The following SMC5 variants were observed in gnomAD, a reference collection of about 807,000 sequenced individuals.
SMC5 encodes the protein structural maintenance of chromosomes protein 5.
In SMC5, 88 loss-of-function variants were observed where a neutral mutation model predicts 148.3. The observed-to-expected ratio is 0.59, with a 90% CI of 0.50 to 0.71. SMC5 has a LOEUF of 0.71. Ranked by LOEUF, SMC5 falls within the 30% of genes least tolerant of loss-of-function variation. The pLI is 0.00. For missense variants in SMC5, 1,142 were observed against 1,298.9 expected (o/e 0.88, Z 1.86); for synonymous variants, 421 against 432.8 (o/e 0.97, Z 0.34).
At chr9:70,283,625 C>A (rs577794579) in intron 7 of SMC5, among the ~76,000 whole-genome samples, 1 of 152,078 alleles carries the variant, frequency 6.6e-6, no homozygotes, top group East Asian at 1.9e-4. Flanking sequence ...CCATTCACAA[C>A]CTTTGTGTAC....
In SMC5 at chr9:70,264,388, G is replaced by A. The variant is rs12005618; in HGVS notation, c.270G>A (p.Val90=). Reference sequence around the variant, plus strand: ...ATGGAACAGGGAAGTCGAGCATTGTGTGTGCCATTTGCCTTGGTTTAGCTG... The same window carrying A: ...ATGGAACAGGGAAGTCGAGCATTGTATGTGCCATTTGCCTTGGTTTAGCTG... ...GANGTGKSSI[V]CAICLGLAGK... The change falls in exon 2 of 25, where the codon GTG becomes GTA. Residue 90 remains valine (V), a synonymous_variant. Coordinates refer to ENST00000361138, the MANE Select transcript of SMC5 (RefSeq NM_015110.4). 5,552 of 1,614,042 alleles carry A rather than the reference G, an allele frequency of 3.4e-3. 167 individuals are homozygous for A. The African/African-American group carries it at 0.065, about 19-fold the overall frequency.
chr9:70,281,140 C>T (rs1477834091), intron 6 of SMC5, among the ~76,000 whole-genome samples: 4 of 151,588 alleles, frequency 2.6e-5, no homozygotes, highest in Admixed American at 1.3e-4. Flanking sequence ...TGGGTTCAAG[C>T]GATTCTCCTG....
rs1172195598 is a variant in SMC5, at chr9:70,286,241, G to A, written c.1023G>A (p.Lys341=). 11 of 1,585,310 alleles carry A rather than the reference G, an allele frequency of 6.9e-6. No individual in the cohort carries two copies. Among genetic ancestry groups the A allele is most frequent in the Non-Finnish European group, 8.6e-6 (10 of 1,167,660 alleles). ...AGGCATCTCAAAAATGCAAACAGAA[G>A]CAAGATGTTATAGAAAGGAAAGATA... ...IKEASQKCKQ[K]QDVIERKDKH... Residue 341 remains lysine, a synonymous_variant, in exon 8 of 25, where the codon AAG becomes AAA. Coordinates refer to ENST00000361138, the MANE Select transcript of SMC5 (RefSeq NM_015110.4).
chr9:70,295,252 T>C (rs1587654577), intron 8 of SMC5, among the ~76,000 whole-genome samples: 1 of 150,974 alleles, frequency 6.6e-6, no homozygotes, highest in Non-Finnish European at 1.5e-5. Flanking sequence ...GATCACGAGG[T>C]CAGGAGATCG....
rs2034775156 is a variant in SMC5 at position 70,282,437 on chromosome 9, C to T, written c.835C>T (p.Arg279Cys). The T allele has an allele frequency of 3.1e-6, 5 of 1,590,110 alleles. No individual in the cohort carries two copies. The highest frequency in any genetic ancestry group is 3.4e-6 in the Non-Finnish European group (4 of 1,172,854). Residue 279 changes from arginine to cysteine, a missense_variant, in exon 7 of 25, where the codon CGT becomes TGT. By Grantham distance (180) the Arg-to-Cys change is radical (BLOSUM62 -3). Around this residue, in one of 5 missense-constraint regions of SMC5, gnomAD observed 743 missense variants for 835.7 expected, o/e 0.89. Coordinates refer to ENST00000361138, the MANE Select transcript of SMC5 (RefSeq NM_015110.4). ...TATTTGCAAGGAATATGAAAATGTT[C>T]GTCAGGAATATGAAGAAGTAAAACT... Reference protein sequence around the residue: ...KRPWVEYENVRQEYEEVKLVR... With the variant: ...KRPWVEYENVCQEYEEVKLVR...
At chr9:70,292,091 A>C (rs1029140722) in intron 8 of SMC5, among the ~76,000 whole-genome samples, 2 of 152,162 alleles carry the variant, frequency 1.3e-5, no homozygotes, top group African/African-American at 2.4e-5. Flanking sequence ...TAAATTCCAG[A>C]GTGCTGAAAG....
At chr9:70,272,040 CTT>C (rs2118058919) in intron 3 of SMC5, among the ~76,000 whole-genome samples, 1 of 152,236 alleles carries the variant, frequency 6.6e-6, no homozygotes, top group East Asian at 1.9e-4. Context: ...GGAAAGTAAA[CTT>C]TAAGAGAGCA....
At chr9:70,279,995 A>G (rs982232579) in intron 5 of SMC5, among the ~76,000 whole-genome samples, 6 of 152,142 alleles carry the variant, frequency 3.9e-5, no homozygotes, top group Non-Finnish European at 4.4e-5. Flanking sequence ...ATACTTAATA[A>G]TATGTATTTT....
intron 11 of SMC5, among the ~76,000 whole-genome samples, chr9:70,309,905 A>G (rs539696388): frequency 6.6e-6 from 1 of 152,364 alleles, no homozygotes; most frequent in South Asian, 2.1e-4. Context: ...GCTGGAGTGC[A>G]GTGGCACAAT....
At chr9:70,332,220 A>C (rs1268183861) in intron 17 of SMC5, among the ~76,000 whole-genome samples, 1 of 152,162 alleles carries the variant, frequency 6.6e-6, no homozygotes, top group African/African-American at 2.4e-5. Flanking sequence ...AATTCTACCA[A>C]GCATTTATAA....
intron 17 of SMC5, among the ~76,000 whole-genome samples, chr9:70,339,397 C>T (rs1003199921): frequency 6.6e-6 from 1 of 151,504 alleles, no homozygotes; most frequent in Non-Finnish European, 1.5e-5. Context: ...CCACTGCACT[C>T]CAGCCTGGGC....
At chr9:70,326,513 T>C (rs542366006) in intron 17 of SMC5, among the ~76,000 whole-genome samples, 1 of 152,154 alleles carries the variant, frequency 6.6e-6, no homozygotes, top group African/African-American at 2.4e-5. Context: ...TTATAGTATG[T>C]TACTATCAAA....
intron 1 of SMC5, 104 bp downstream of exon 1, chr9:70,259,367 T>A: frequency 1.6e-6 from 2 of 1,242,876 alleles, no homozygotes; most frequent in Middle Eastern, 2.8e-4. Context: ...TGTACCTGGC[T>A]TGTGGGTCTG....
intron 10 of SMC5, among the ~76,000 whole-genome samples, chr9:70,302,502 A>AAAAAT (rs1554693938): frequency 1.1e-3 from 164 of 149,530 alleles, no homozygotes; most frequent in Middle Eastern, 6.8e-3. Flanking sequence ...AAGAAAAAAA[A>AAAAAT]ATATATATAT....
At chr9:70,343,397 A>G (rs1236322988) in intron 17 of SMC5, among the ~76,000 whole-genome samples, 1 of 152,214 alleles carries the variant, frequency 6.6e-6, no homozygotes, top group Non-Finnish European at 1.5e-5. Context: ...TAGGTCCATG[A>G]ATAAATAAAT....
rs2034006681 is a variant in SMC5 at position 70,259,084 on chromosome 9, GACTCCGAGCAAGAAGACGTCA to G, written c.12_32del (p.Lys6_Ser12del). On this transcript the variant is annotated inframe_deletion, in exon 1 of 25. Transcript: ENST00000361138. ...GGGACGCTGAGGAAGCCAGGATGGC[GACTCCGAGCAAGAAGACGTCA>G]ACTCCAAGCCCCCAGCCTTCCAAGA... 1.2e-6 allele frequency: 2 copies of G among 1,603,662 alleles called. No homozygotes were observed. Among genetic ancestry groups the G allele is most frequent in the African/African-American group, 2.7e-5 (2 of 74,506 alleles).
chr9:70,268,294 A>G (rs1027755314), intron 3 of SMC5, among the ~76,000 whole-genome samples: 1 of 152,066 alleles, frequency 6.6e-6, no homozygotes, highest in African/African-American at 2.4e-5. Context: ...AAAAATAGAA[A>G]AATTATCCAG....
chr9:70,336,814 A>G (rs1363458214), intron 17 of SMC5, among the ~76,000 whole-genome samples: 1 of 152,234 alleles, frequency 6.6e-6, no homozygotes, highest in Non-Finnish European at 1.5e-5. Flanking sequence ...CTTTAAATCC[A>G]GTAACACAAT....
chr9:70,299,657 TC>T (rs144146238), intron 9 of SMC5, among the ~76,000 whole-genome samples: 10,618 of 150,332 alleles, frequency 0.071, 588 homozygotes, highest in East Asian at 0.22. Context: ...TATTTCATCA[TC>T]CCCCCCCCTT....
Sources: gnomAD v4.1 joint callset for allele counts (sites outside exome capture counted in the v4.1 genomes callset) on GRCh38, gnomAD v4.1.1 for gene constraint, gnomAD v4.1.1 regional missense constraint, MANE v1.5 for transcripts, NCBI Gene and HGNC (gene_info 2026-07-23, HGNC 2026-07-21) for gene names.